The following NTRK3 variants were observed in gnomAD, a reference collection of about 807,000 sequenced individuals.
NTRK3 encodes NT-3 growth factor receptor.
NTRK3 carries 24 observed loss-of-function variants against 91.7 expected under a neutral mutation model. That is an observed-to-expected ratio of 0.26 (90% CI 0.19 to 0.37). NTRK3 has a LOEUF of 0.37. NTRK3 is among the 10% of genes least tolerant of loss of function. The probability of loss-of-function intolerance (pLI) is 1.00; values close to 1 mark genes in which losing one functional copy is unlikely to be tolerated. For missense variants in NTRK3, 880 were observed against 1,068.9 expected, an observed-to-expected ratio of 0.82 and a Z score of 2.46; for synonymous variants, 483 against 404.0, an observed-to-expected ratio of 1.20 and a Z score of -2.34.
intron 3 of NTRK3, among the ~76,000 whole-genome samples, chr15:88,222,929 C>T (rs1567674080): frequency 6.6e-6 from 1 of 152,192 alleles, no homozygotes; most frequent in Non-Finnish European, 1.5e-5. Flanking sequence ...CTGAGGAACC[C>T]GCAGGATTCT....
At chr15:88,164,171 G>C (rs2044719016) in intron 5 of NTRK3, among the ~76,000 whole-genome samples, 1 of 152,170 alleles carries the variant, frequency 6.6e-6, no homozygotes. Context: ...GATTACTTCT[G>C]GCTTAGAATT....
exon 19 of NTRK3, chr15:87,865,655 T>C (rs1294807490): frequency 9.1e-6 from 2 of 219,720 alleles, no homozygotes; most frequent in African/African-American, 2.2e-5. Context: ...AGAGTCCTAT[T>C]TTTACAAAGC....
exon 19 of NTRK3, chr15:87,863,994 T>TACACAC (rs879080380): frequency 1.0e-3 from 224 of 218,400 alleles, no homozygotes; most frequent in African/African-American, 3.9e-3. Flanking sequence ...CACACACACA[T>TACACAC]ACACACACAC....
intron 14 of NTRK3, chr15:87,981,456 A>G (rs962295861): frequency 1.0e-5 from 16 of 1,566,040 alleles, no homozygotes; most frequent in Admixed American, 1.7e-5. Context: ...GCACAATGCC[A>G]GAAACAGAAA....
Position 88,237,815 on chromosome 15 carries a change from C to T in NTRK3, c.248+18091G>A, listed in dbSNP as rs1464035503. Among the ~76,000 whole-genome samples the T allele has an allele frequency of 6.6e-6, 1 of 152,148 alleles. No homozygotes were observed. The highest frequency in any genetic ancestry group is 2.4e-5 in the African/African-American group (1 of 41,434). ...TGATGAACTTCCACAGAATTCTGCA[C>T]TCAGAAAATCTAAAAATGGTGCTTT... On this transcript the variant is annotated intron_variant, in intron 3 of 18. Coordinates refer to ENST00000394480, the Ensembl canonical transcript of NTRK3. The surrounding 1 kb of genome is among the most constrained non-coding windows in gnomAD (Gnocchi z 4.0).
At chr15:88,222,485 T>C (rs2050317074) in intron 3 of NTRK3, among the ~76,000 whole-genome samples, 1 of 152,224 alleles carries the variant, frequency 6.6e-6, no homozygotes, top group African/African-American at 2.4e-5. Flanking sequence ...TTTTTAAAGA[T>C]ATATCATCCC....
chr15:87,979,179 G>T (rs1292323825), intron 14 of NTRK3: 2 of 675,972 alleles, frequency 3.0e-6, no homozygotes, highest in African/African-American at 3.6e-5. Flanking sequence ...GTGGATGGGG[G>T]AAAACACCCA....
intron 13 of NTRK3, among the ~76,000 whole-genome samples, chr15:88,125,462 G>C (rs75706983): frequency 1.3e-5 from 2 of 151,964 alleles, no homozygotes. Flanking sequence ...ATCAAACCTC[G>C]TATCATGCCT....
intron 3 of NTRK3, among the ~76,000 whole-genome samples, chr15:88,210,355 C>T (rs79663173): frequency 0.03 from 4,628 of 152,174 alleles, 214 homozygotes; most frequent in African/African-American, 0.11. Flanking sequence ...ATCTTCCTCG[C>T]GGAAGCCTGA....
chr15:88,063,177 G>A (rs559810816), intron 13 of NTRK3, among the ~76,000 whole-genome samples: 2 of 152,346 alleles, frequency 1.3e-5, no homozygotes, highest in South Asian at 2.1e-4. Context: ...TGTTAAGAGT[G>A]CTTGGTGCTT....
intron 3 of NTRK3, among the ~76,000 whole-genome samples, chr15:88,239,255 T>A (rs1001197537): frequency 1.2e-4 from 18 of 151,938 alleles, no homozygotes; most frequent in Admixed American, 6.6e-5. Flanking sequence ...ATGCTGAGAA[T>A]GTTTGAGGAA....
intron 14 of NTRK3, among the ~76,000 whole-genome samples, chr15:88,004,138 G>A (rs542524087): frequency 6.6e-6 from 1 of 152,136 alleles, no homozygotes; most frequent in African/African-American, 2.4e-5. Context: ...TCCTCCACCT[G>A]GTGGAGCTTT....
intron 5 of NTRK3, among the ~76,000 whole-genome samples, chr15:88,150,345 G>A (rs935748944): frequency 6.6e-6 from 1 of 152,180 alleles, no homozygotes; most frequent in Non-Finnish European, 1.5e-5. Flanking sequence ...AGGCAGAAAT[G>A]TCAAAAGAAA....
chr15:87,932,286 T>C (rs972983428), intron 16 of NTRK3, among the ~76,000 whole-genome samples: 2 of 152,176 alleles, frequency 1.3e-5, no homozygotes, highest in African/African-American at 4.8e-5. Context: ...CAATAGAACT[T>C]TCTATTGATG....
chr15:88,134,345 C>A (rs1007768151), intron 10 of NTRK3, among the ~76,000 whole-genome samples: 1 of 152,158 alleles, frequency 6.6e-6, no homozygotes, highest in African/African-American at 2.4e-5. Context: ...AGCATCTTAG[C>A]CCAGACAGAG....
At chr15:87,908,456 C>G (rs963454035) in intron 17 of NTRK3, 36 of 399,500 alleles carry the variant, frequency 9.0e-5, no homozygotes, top group Non-Finnish European at 1.3e-4. Context: ...CCCTGCCCAG[C>G]CCCCTGGCCC....
intron 5 of NTRK3, among the ~76,000 whole-genome samples, chr15:88,165,962 T>A (rs1052081931): frequency 1.1e-4 from 17 of 152,166 alleles, no homozygotes; most frequent in African/African-American, 3.9e-4. Context: ...CTTCTAAGAA[T>A]GAAAAAATCA....
chr15:88,053,702 T>A (rs1040027830), intron 13 of NTRK3, among the ~76,000 whole-genome samples: 1 of 152,188 alleles, frequency 6.6e-6, no homozygotes, highest in Non-Finnish European at 1.5e-5. Flanking sequence ...AAGGTTGTTA[T>A]GAGATTTAAA....
At chr15:88,249,325 G>T (rs2141993478) in intron 3 of NTRK3, among the ~76,000 whole-genome samples, 1 of 152,326 alleles carries the variant, frequency 6.6e-6, no homozygotes, top group East Asian at 1.9e-4. Context: ...GAGCTCTGGG[G>T]CTGCCAGTCT....
Sources: allele counts gnomAD v4.1 joint callset (sites outside exome capture counted in the v4.1 genomes callset), GRCh38; gene constraint gnomAD v4.1.1; non-coding constraint Gnocchi (gnomAD v3.1); transcripts MANE v1.5; gene names NCBI Gene and HGNC (gene_info 2026-07-23, HGNC 2026-07-21).